The following NELL1 variants were observed in gnomAD, a reference collection of about 807,000 sequenced individuals.
NELL1 encodes protein kinase C-binding protein NELL1.
In NELL1, 76 loss-of-function variants were observed where a neutral mutation model predicts 107.4. The observed-to-expected ratio is 0.71, with a 90% CI of 0.59 to 0.86. The LOEUF (loss-of-function observed/expected upper bound fraction) is 0.86, where lower values mean the gene tolerates loss of function less well. Ranked by LOEUF, NELL1 falls within the 40% of genes least tolerant of loss-of-function variation. The probability of loss-of-function intolerance (pLI) is 0.00; values close to 1 mark genes in which losing one functional copy is unlikely to be tolerated. For synonymous variants in NELL1, 353 were observed against 341.2 expected (o/e 1.03, Z -0.38); for missense variants, 1,024 against 1,005.5 (o/e 1.02, Z -0.25).
chr11:20,890,291 A>G (rs1486234535), intron 5 of NELL1, among the ~76,000 whole-genome samples: 2 of 152,128 alleles, frequency 1.3e-5, no homozygotes, highest in Admixed American at 1.3e-4. Flanking sequence ...AATAAAGACA[A>G]GCAGAAAGTA....
chr11:21,347,463 G>A (rs1214161450), intron 14 of NELL1, among the ~76,000 whole-genome samples: 2 of 152,014 alleles, frequency 1.3e-5, no homozygotes, highest in Non-Finnish European at 2.9e-5. Context: ...TTAGCCGAGT[G>A]TGGTGGTGCA....
chr11:21,349,314 T>C (rs1246247689), intron 14 of NELL1, among the ~76,000 whole-genome samples: 3 of 152,286 alleles, frequency 2.0e-5, no homozygotes, highest in African/African-American at 4.8e-5. Context: ...AGCCTATCCA[T>C]GGTCTATATA....
Position 21,560,313 on chromosome 11 carries a change from AG to A in NELL1, c.1917del (p.Leu640Ter), listed in dbSNP as rs1564960979. 1 of 1,613,022 alleles carries A rather than the reference AG, an allele frequency of 6.2e-7. No homozygotes were observed. The highest frequency in any genetic ancestry group is 2.2e-5 in the East Asian group (1 of 44,702). On this transcript the variant is annotated frameshift_variant, in exon 17 of 20. Transcript: ENST00000357134. LOFTEE classifies it high-confidence loss of function. The part of the protein sequence containing the change: ...PSCSGDCPHE[G>X]GLKHNGQVWT... Reference sequence around the variant, plus strand: ...CCTGCTCTGGTGACTGTCCTCATGAAGGGGGGCTGAAGCACAATGGCCAGGT... The same window carrying A: ...CCTGCTCTGGTGACTGTCCTCATGAAGGGGGCTGAAGCACAATGGCCAGGT...
At chr11:21,229,682 A>G (rs574925931) in intron 14 of NELL1, among the ~76,000 whole-genome samples, 2 of 152,368 alleles carry the variant, frequency 1.3e-5, no homozygotes, top group South Asian at 2.1e-4. Flanking sequence ...ACACAGTTAC[A>G]TAACTTGATG....
At chr11:21,401,316 G>A (rs1852092383) in intron 15 of NELL1, among the ~76,000 whole-genome samples, 1 of 151,812 alleles carries the variant, frequency 6.6e-6, no homozygotes, top group East Asian at 2.0e-4. Context: ...CAGGTACAAT[G>A]TAAGAAACAG....
intron 16 of NELL1, among the ~76,000 whole-genome samples, chr11:21,558,136 T>C (rs1856765853): frequency 6.6e-6 from 1 of 151,948 alleles, no homozygotes; most frequent in Non-Finnish European, 1.5e-5. Flanking sequence ...GGAAAGTGCT[T>C]ATCAATTAAT....
At chr11:21,479,515 T>C (rs1278919315) in intron 15 of NELL1, among the ~76,000 whole-genome samples, 6 of 152,002 alleles carry the variant, frequency 3.9e-5, no homozygotes, top group African/African-American at 1.5e-4. Context: ...AGATGAAAAG[T>C]AGAAGGATGG....
chr11:21,522,686 T>A (rs937393918), intron 15 of NELL1, among the ~76,000 whole-genome samples: 5 of 152,136 alleles, frequency 3.3e-5, no homozygotes, highest in African/African-American at 1.2e-4. Context: ...GTAACAAAGT[T>A]ATACTTGTAC....
chr11:20,796,966 G>A (rs1857181516), intron 3 of NELL1, among the ~76,000 whole-genome samples: 1 of 152,120 alleles, frequency 6.6e-6, no homozygotes, highest in Non-Finnish European at 1.5e-5. Context: ...AGAGGTGAGA[G>A]ATGAGGGATG....
intron 15 of NELL1, among the ~76,000 whole-genome samples, chr11:21,417,811 C>A (rs1289199982): frequency 6.6e-6 from 1 of 152,008 alleles, no homozygotes; most frequent in East Asian, 1.9e-4. Flanking sequence ...ACTTCACTCC[C>A]TATTAGTCGC....
intron 13 of NELL1, among the ~76,000 whole-genome samples, chr11:21,204,281 C>G (rs752595959): frequency 2.0e-5 from 3 of 152,020 alleles, no homozygotes; most frequent in African/African-American, 7.2e-5. Context: ...CACACAGTCC[C>G]GTATTTCTTG....
At chr11:21,526,252 T>C (rs1341590934) in intron 15 of NELL1, among the ~76,000 whole-genome samples, 1 of 152,206 alleles carries the variant, frequency 6.6e-6, no homozygotes. Context: ...ATAATCTCCT[T>C]TGACTCCATG....
At chr11:21,122,800 G>A (rs1855398796) in intron 13 of NELL1, among the ~76,000 whole-genome samples, 3 of 152,020 alleles carry the variant, frequency 2.0e-5, no homozygotes, top group African/African-American at 7.2e-5. Context: ...GAGTTTAGCT[G>A]AAAGAATTAA....
chr11:21,341,327 AATTCT>A (rs1000914550), intron 14 of NELL1, among the ~76,000 whole-genome samples: 6 of 152,192 alleles, frequency 3.9e-5, no homozygotes, highest in African/African-American at 1.4e-4. Flanking sequence ...GACTATGAGA[AATTCT>A]ATTCTATCTC....
At chr11:21,202,058 T>C (rs1469871715) in intron 13 of NELL1, among the ~76,000 whole-genome samples, 2 of 152,222 alleles carry the variant, frequency 1.3e-5, no homozygotes, top group Admixed American at 1.3e-4. Context: ...TTCTCATTGA[T>C]GTTCGTCAGA....
intron 4 of NELL1, among the ~76,000 whole-genome samples, chr11:20,861,666 A>G (rs1848981754): frequency 6.6e-6 from 1 of 152,198 alleles, no homozygotes; most frequent in East Asian, 1.9e-4. Context: ...TGCTCTGAGC[A>G]GGGTCATAAT....
chr11:20,756,159 C>T (rs1430420073), intron 2 of NELL1, among the ~76,000 whole-genome samples: 1 of 151,986 alleles, frequency 6.6e-6, no homozygotes, highest in Non-Finnish European at 1.5e-5. Flanking sequence ...GGATTACAGG[C>T]GTGAGCCACC....
At chr11:21,191,866 A>G (rs1278497243) in intron 13 of NELL1, among the ~76,000 whole-genome samples, 2 of 152,100 alleles carry the variant, frequency 1.3e-5, no homozygotes, top group South Asian at 2.1e-4. Context: ...TTTAACTTTT[A>G]TATTTTAACT....
At chr11:20,861,736 G>T (rs1275560308) in intron 4 of NELL1, among the ~76,000 whole-genome samples, 1 of 152,224 alleles carries the variant, frequency 6.6e-6, no homozygotes, top group Non-Finnish European at 1.5e-5. Context: ...TAGACATCAG[G>T]TGAGCACAAT....
Sources: allele counts gnomAD v4.1 joint callset (sites outside exome capture counted in the v4.1 genomes callset), GRCh38; gene constraint gnomAD v4.1.1; transcripts MANE v1.5; gene names NCBI Gene and HGNC (gene_info 2026-07-23, HGNC 2026-07-21).